Variants in FBXW2 observed in about 807,000 individuals in gnomAD.
FBXW2 encodes the protein F-box and WD repeat domain containing 2.
A neutral mutation model predicts 46.0 loss-of-function variants in FBXW2; 12 were observed. That is an observed-to-expected ratio of 0.26 (90% CI 0.17 to 0.42). FBXW2 has a LOEUF of 0.42. FBXW2 is among the 10% of genes least tolerant of loss of function. FBXW2 has a pLI of 1.00. For missense variants in FBXW2, 360 were observed against 537.0 expected (o/e 0.67, Z 3.26); for synonymous variants, 203 against 209.6 (o/e 0.97, Z 0.27).
At position 120,773,001 on chromosome 9, in the gene FBXW2, A is replaced by T. The variant is rs144091451; in HGVS notation, c.820-161T>A. On this transcript the variant is annotated intron_variant, in intron 5 of 7. Coordinates refer to ENST00000608872, the MANE Select transcript of FBXW2 (RefSeq NM_012164.4). ...CCTCTACTAAAAGTTTTACTACAAT[A>T]TTCTCTGTTATTAGCAGTATCTAAA... 2.0e-5 allele frequency among the ~76,000 whole-genome samples: 3 copies of T among 152,326 alleles called. No homozygotes were observed. The East Asian group carries it at 5.8e-4, about 29-fold the overall frequency.
intron 3 of FBXW2, among the ~76,000 whole-genome samples, chr9:120,781,703 T>G (rs988143517): frequency 1.3e-5 from 2 of 149,352 alleles, no homozygotes; most frequent in African/African-American, 4.9e-5. Flanking sequence ...TATACATACA[T>G]GGAATGGAGT....
chr9:120,787,176 A>G (rs962139036), intron 3 of FBXW2, among the ~76,000 whole-genome samples: 2 of 152,166 alleles, frequency 1.3e-5, no homozygotes, highest in Non-Finnish European at 2.9e-5. Context: ...TTATAGGCGC[A>G]TGCCGCCACG....
rs2044499842 is a variant in FBXW2 at position 120,776,505 on chromosome 9, C to A, written c.686-279G>T. ...AACAAATGTTGGAGATAATGGCATT[C>A]CTTCTTAGGACTGCCTGCCTGACAC... On this transcript the variant is annotated intron_variant, in intron 4 of 7. Coordinates refer to ENST00000608872, the MANE Select transcript of FBXW2 (RefSeq NM_012164.4). 7 of 356,400 alleles carry A rather than the reference C, an allele frequency of 2.0e-5. No homozygotes were observed. The South Asian group carries it at 2.3e-4, about 12-fold the overall frequency. The allele number at this position is 356,400 out of a possible 1,614,324, so 22.1% of individuals were successfully genotyped here.
chr9:120,772,478 G>A (rs2044399137), intron 6 of FBXW2, among the ~76,000 whole-genome samples: 2 of 140,110 alleles, frequency 1.4e-5, no homozygotes, highest in African/African-American at 5.4e-5. Flanking sequence ...GGGCAACAGA[G>A]CGAGACTGTC....
rs374566729 is a variant in FBXW2 at position 120,780,060 on chromosome 9, C to G, written c.491-1515G>C. 5.3e-5 allele frequency among the ~76,000 whole-genome samples: 8 copies of G among 151,030 alleles called. No homozygotes were observed. In the East Asian group the frequency reaches 1.4e-3, roughly 26 times the overall value. Reference sequence around the variant, plus strand: ...GGCTGAGGCATGAGAATCGCTTGAGCTGGGGAGGCAGAGGTTGCAATGAGC... The same window carrying G: ...GGCTGAGGCATGAGAATCGCTTGAGGTGGGGAGGCAGAGGTTGCAATGAGC... On this transcript the variant is annotated intron_variant, in intron 3 of 7. Transcript: ENST00000608872.
chr9:120,766,543 CA>C (rs1217326837), intron 7 of FBXW2, among the ~76,000 whole-genome samples: 2 of 152,166 alleles, frequency 1.3e-5, no homozygotes, highest in African/African-American at 4.8e-5. Flanking sequence ...CGGCTCACTG[CA>C]ACTTCCACCT....
At position 120,760,068 on chromosome 9, in the gene FBXW2, G is replaced by C. The variant is rs982577751; in HGVS notation, c.*4491C>G. Reference sequence around the variant, plus strand: ...AAAAGTGAATCTGTTCTTTTCATCAGACATTCTGAGGACAGCATAATTCTC... The same window carrying C: ...AAAAGTGAATCTGTTCTTTTCATCACACATTCTGAGGACAGCATAATTCTC... On this transcript the variant is annotated 3_prime_UTR_variant, in exon 8 of 8. Coordinates refer to ENST00000608872, the MANE Select transcript of FBXW2 (RefSeq NM_012164.4). 1 of 152,218 alleles carries C rather than the reference G, an allele frequency of 6.6e-6. No homozygotes were observed. Among genetic ancestry groups the C allele is most frequent in the South Asian group, 2.1e-4 (1 of 4,836 alleles). 9.4% of individuals were successfully genotyped at this position (152,218 alleles called of 1,614,324 possible).
chr9:120,779,341 T>C (rs548323607), intron 3 of FBXW2, among the ~76,000 whole-genome samples: 33 of 152,192 alleles, frequency 2.2e-4, no homozygotes, highest in Admixed American at 4.6e-4. Context: ...TTTTTGAGAA[T>C]CCACTAAATA....
chr9:120,771,597 T>A, intron 6 of FBXW2, 80 bp from the exon 7 acceptor site: 1 of 1,274,090 alleles, frequency 7.8e-7, no homozygotes, highest in Non-Finnish European at 1.1e-6. Context: ...TCTGCATTTG[T>A]GAAGTCAGAT....
Position 120,778,392 on chromosome 9 carries a change from G to A in FBXW2, c.644C>T (p.Ser215Phe). ...DNTVACWEWS[S>F]GARTQHFRGH... Reference sequence around the variant, plus strand: ...CCGAAAGTGCTGGGTCCTGGCTCCGGAACTCCATTCCCAGCAAGCCACAGT... The same window carrying A: ...CCGAAAGTGCTGGGTCCTGGCTCCGAAACTCCATTCCCAGCAAGCCACAGT... The change falls in exon 4 of 8, where the codon TCC becomes TTC. Residue 215 changes from serine (S) to phenylalanine (F), a missense_variant. Physicochemically the swap from Ser to Phe is radical, Grantham distance 155. Coordinates refer to ENST00000608872, the MANE Select transcript of FBXW2 (RefSeq NM_012164.4). The A allele has an allele frequency of 6.2e-7, 1 of 1,613,880 alleles. No individual in the cohort carries two copies.
chr9:120,782,480 ACAAG>A (rs1158080302), intron 3 of FBXW2, among the ~76,000 whole-genome samples: 2 of 151,812 alleles, frequency 1.3e-5, no homozygotes, highest in African/African-American at 2.4e-5. Context: ...AAAAAATAAA[ACAAG>A]CAAGCAAGCA....
Position 120,757,659 on chromosome 9 carries a change from T to C in FBXW2, c.*6900A>G, listed in dbSNP as rs2044146306. On this transcript the variant is annotated 3_prime_UTR_variant, in exon 8 of 8. Transcript: ENST00000608872. ...TAGAAGAGAGTATTAAAAATCGTAA[T>C]GATAAAGGAGCTCTGGGTAATTTTC... The C allele has an allele frequency of 6.6e-6, 1 of 152,290 alleles. No individual in the cohort carries two copies. Among genetic ancestry groups the C allele is most frequent in the South Asian group, 2.1e-4 (1 of 4,826 alleles). 9.4% of individuals were successfully genotyped at this position (152,290 alleles called of 1,614,324 possible).
At chr9:120,792,933 T>C in intron 2 of FBXW2, 1 of 1,532,232 alleles carries the variant, frequency 6.5e-7, no homozygotes, top group Non-Finnish European at 8.7e-7. Flanking sequence ...TAGCGCTTTG[T>C]ACTTCATAAA....
intron 2 of FBXW2, among the ~76,000 whole-genome samples, chr9:120,790,311 C>T (rs1356924893): frequency 6.6e-6 from 1 of 152,050 alleles, no homozygotes; most frequent in Non-Finnish European, 1.5e-5. Flanking sequence ...AGTGAAACCC[C>T]ATCTCTACTA....
Position 120,757,967 on chromosome 9 carries a change from C to T in FBXW2, c.*6592G>A, listed in dbSNP as rs10985026. 2 of 152,116 alleles carry T rather than the reference C, an allele frequency of 1.3e-5. No individual in the cohort carries two copies. The highest frequency in any genetic ancestry group is 4.8e-5 in the African/African-American group (2 of 41,420). 9.4% of individuals were successfully genotyped at this position (152,116 alleles called of 1,614,324 possible). On this transcript the variant is annotated 3_prime_UTR_variant, in exon 8 of 8. Coordinates refer to ENST00000608872, the MANE Select transcript of FBXW2 (RefSeq NM_012164.4). The stretch of plus-strand genomic sequence containing the variant: ...AGATGCTCTGGAAGTTATTTTTCTT[C>T]CAAGTTTAGATAGCTCTTAAGACAA...
intron 4 of FBXW2, among the ~76,000 whole-genome samples, chr9:120,777,872 C>A (rs1175624249): frequency 2.0e-5 from 3 of 152,086 alleles, no homozygotes; most frequent in East Asian, 1.9e-4. Flanking sequence ...TTTTAATCAA[C>A]TGTCAACCAA....
rs980454464 is a variant in FBXW2, at chr9:120,757,273, G to A, written c.*7286C>T. 2 of 152,108 alleles carry A rather than the reference G, an allele frequency of 1.3e-5. No homozygotes were observed. Among genetic ancestry groups the A allele is most frequent in the African/African-American group, 2.4e-5 (1 of 41,412 alleles). 9.4% of individuals were successfully genotyped at this position (152,108 alleles called of 1,614,324 possible). On this transcript the variant is annotated 3_prime_UTR_variant, in exon 8 of 8. Coordinates refer to ENST00000608872, the MANE Select transcript of FBXW2 (RefSeq NM_012164.4). ...GTTTAGAAATGTTCTTTCTTGACTC[G>A]GGCAGTGGTTAGACAAGTGTTCACT...
rs1223975389 is a variant in FBXW2, at chr9:120,759,437, CT to C, written c.*5121del. On this transcript the variant is annotated 3_prime_UTR_variant, in exon 8 of 8. Transcript: ENST00000608872. Reference sequence around the variant, plus strand: ...TTGCTTAAGCAACCTCTTCTTCCCCCTACCCCACACAGTTCAAATATAAACT... The same window carrying C: ...TTGCTTAAGCAACCTCTTCTTCCCCCACCCCACACAGTTCAAATATAAACT... 6.6e-6 allele frequency: 1 copy of C among 152,220 alleles called. No homozygotes were observed. The highest frequency in any genetic ancestry group is 2.4e-5 in the African/African-American group (1 of 41,454). 9.4% of individuals were successfully genotyped at this position (152,220 alleles called of 1,614,324 possible). A position where few individuals can be genotyped will look rare whatever the true frequency, so the allele number is the denominator to read the frequency against.
intron 6 of FBXW2, among the ~76,000 whole-genome samples, chr9:120,771,956 G>A (rs990737246): frequency 6.6e-6 from 1 of 151,430 alleles, no homozygotes; most frequent in Admixed American, 6.6e-5. Context: ...CTACTTGGGA[G>A]GCTGAAGCAC....
Sources: gnomAD v4.1 joint callset for allele counts (sites outside exome capture counted in the v4.1 genomes callset) on GRCh38, gnomAD v4.1.1 for gene constraint, MANE v1.5 for transcripts, NCBI Gene and HGNC (gene_info 2026-07-23, HGNC 2026-07-21) for gene names.